The following CHRDL1 variants were observed in gnomAD, a reference collection of about 807,000 sequenced individuals.
The protein encoded by CHRDL1 is chordin like 1, also known as chordin-like protein 1.
CHRDL1 carries 19 observed loss-of-function variants against 40.9 expected under a neutral mutation model. The observed-to-expected ratio is 0.46, with a 90% CI of 0.32 to 0.68. The LOEUF (loss-of-function observed/expected upper bound fraction) is 0.68. Among genes scored for constraint, CHRDL1 ranks in the 30% least tolerant of loss-of-function variants. The pLI is 0.03. For synonymous variants in CHRDL1, 136 were observed against 123.4 expected (o/e 1.10, Z -0.68); for missense variants, 329 against 352.1 (o/e 0.93, Z 0.53).
rs776248476 is a variant in CHRDL1, at chrX:110,748,661, C to G, written c.301+11000G>C. On this transcript the variant is annotated intron_variant, in intron 4 of 11. Transcript: ENST00000372042. ...CTTCTCAAATTTCTTCTCTCTCTTCCCCATTTGAAAAAGAGACACACTACA... is the reference window on the plus strand; with the variant it reads ...CTTCTCAAATTTCTTCTCTCTCTTCGCCATTTGAAAAAGAGACACACTACA... Among the ~76,000 whole-genome samples the G allele has an allele frequency of 5.4e-5, 6 of 112,148 alleles. No individual in the cohort carries two copies. The East Asian group carries it at 1.7e-3, about 31-fold the overall frequency.
At position 110,688,812 on chromosome X, in the gene CHRDL1, G is replaced by A. The variant is rs369988118; in HGVS notation, c.779-9C>T. On this transcript the variant is annotated splice_polypyrimidine_tract_variant and intron_variant, in intron 8 of 11. Transcript: ENST00000372042. ...TCCATTGGAAACACACACTGAAAGA[G>A]AATGCAGAATTAGCAATTAAAAGCT... is the stretch of plus-strand genomic sequence containing the variant. 96 of 1,174,303 alleles carry A rather than the reference G, an allele frequency of 8.2e-5. No individual in the cohort carries two copies. In the African/African-American group the frequency reaches 1.7e-3, roughly 21 times the overall value.
intron 11 of CHRDL1, among the ~76,000 whole-genome samples, chrX:110,678,438 A>C (rs1057171829): frequency 1.0e-4 from 11 of 110,206 alleles, no homozygotes; most frequent in Admixed American, 2.9e-4. Flanking sequence ...GGCCTTTGTG[A>C]TCATTCCTCT....
intron 4 of CHRDL1, among the ~76,000 whole-genome samples, chrX:110,736,640 G>T (rs2071269060): frequency 9.0e-6 from 1 of 111,676 alleles, no homozygotes. Flanking sequence ...GGTGGGAGTG[G>T]TTTCAAACTC....
intron 4 of CHRDL1, among the ~76,000 whole-genome samples, chrX:110,730,635 T>C (rs1289286475): frequency 2.7e-5 from 3 of 110,439 alleles, no homozygotes; most frequent in Admixed American, 1.9e-4. Flanking sequence ...CAGGCTGGAG[T>C]GCAGTGGTGT....
chrX:110,732,223 G>A (rs1285449147), intron 4 of CHRDL1, among the ~76,000 whole-genome samples: 1 of 111,209 alleles, frequency 9.0e-6, no homozygotes, highest in Admixed American at 9.5e-5. Context: ...TCCACTTTGG[G>A]AGATGGAGTG....
rs2069747074 is a variant in CHRDL1, at chrX:110,675,095, G to T, written c.*1136C>A. On this transcript the variant is annotated 3_prime_UTR_variant, in exon 12 of 12. Coordinates refer to ENST00000372042, the MANE Select transcript of CHRDL1 (RefSeq NM_001143981.2). ...AGAGTCAACATGCAGATGCTCATGA[G>T]GACCGAGCCACTTTGCAAAGTAAAA... The T allele has an allele frequency of 8.9e-6, 1 of 111,800 alleles. No individual in the cohort carries two copies. 9.2% of individuals were successfully genotyped at this position (111,800 alleles called of 1,213,427 possible). A position where few individuals can be genotyped will look rare whatever the true frequency, so the allele number is the denominator to read the frequency against.
At chrX:110,739,389 C>A (rs1248126550) in intron 4 of CHRDL1, among the ~76,000 whole-genome samples, 1 of 112,051 alleles carries the variant, frequency 8.9e-6, no homozygotes, top group Non-Finnish European at 1.9e-5. Flanking sequence ...GAATGAGTTC[C>A]AGTCAATTGA....
chrX:110,770,135 C>G (rs1229036313), intron 2 of CHRDL1, among the ~76,000 whole-genome samples: 1 of 112,188 alleles, frequency 8.9e-6, no homozygotes, highest in Non-Finnish European at 1.9e-5. Flanking sequence ...GTAAGTCACT[C>G]AAACCCTGAT....
At chrX:110,695,272 G>A (rs1014793560) in intron 7 of CHRDL1, among the ~76,000 whole-genome samples, 4 of 111,769 alleles carry the variant, frequency 3.6e-5, no homozygotes, top group South Asian at 3.8e-4. Flanking sequence ...TAAGCTCTAC[G>A]AAATCAAGGA....
intron 11 of CHRDL1, among the ~76,000 whole-genome samples, chrX:110,677,570 G>T (rs942059559): frequency 1.8e-5 from 2 of 111,502 alleles, no homozygotes; most frequent in Admixed American, 9.5e-5. Flanking sequence ...TTCACAGTAT[G>T]AACTAAAACA....
intron 2 of CHRDL1, among the ~76,000 whole-genome samples, chrX:110,774,969 T>C (rs931363967): frequency 2.7e-5 from 3 of 111,891 alleles, no homozygotes; most frequent in African/African-American, 9.7e-5. Context: ...AAATTGTAGT[T>C]ATCAACCATA....
chrX:110,766,090 G>A (rs955114039), intron 2 of CHRDL1, among the ~76,000 whole-genome samples: 11 of 111,641 alleles, frequency 9.9e-5, no homozygotes, highest in Non-Finnish European at 1.1e-4. Context: ...ACCTGCTCCC[G>A]AATGAGCATT....
At chrX:110,783,535 T>C (rs762310856) in intron 2 of CHRDL1, among the ~76,000 whole-genome samples, 1 of 112,209 alleles carries the variant, frequency 8.9e-6, no homozygotes, top group South Asian at 3.7e-4. Flanking sequence ...TTATGCAGTA[T>C]AATCAATAAC....
intron 4 of CHRDL1, among the ~76,000 whole-genome samples, chrX:110,759,067 A>G (rs2089511919): frequency 8.9e-6 from 1 of 112,015 alleles, no homozygotes; most frequent in Admixed American, 9.4e-5. Context: ...CAAATACCGT[A>G]GCTGCAAATC....
At chrX:110,793,569 T>C (rs1413635409) in intron 1 of CHRDL1, among the ~76,000 whole-genome samples, 1 of 111,971 alleles carries the variant, frequency 8.9e-6, no homozygotes, top group Non-Finnish European at 1.9e-5. Flanking sequence ...CCTTGAGGGC[T>C]ACCACGTTTA....
At chrX:110,760,285 A>G (rs1257324683) in intron 3 of CHRDL1, among the ~76,000 whole-genome samples, 2 of 111,969 alleles carry the variant, frequency 1.8e-5, no homozygotes, top group African/African-American at 6.5e-5. Flanking sequence ...GACGAGCTAG[A>G]GTTTGGAATT....
chrX:110,739,290 G>T, intron 4 of CHRDL1, among the ~76,000 whole-genome samples: 1 of 111,895 alleles, frequency 8.9e-6, no homozygotes, highest in Admixed American at 9.4e-5. Flanking sequence ...ACAATGTTGT[G>T]TGCTCATTAA....
intron 2 of CHRDL1, among the ~76,000 whole-genome samples, chrX:110,783,158 G>A (rs1273036549): frequency 9.0e-6 from 1 of 111,721 alleles, no homozygotes; most frequent in African/African-American, 3.3e-5. Context: ...ATGGAGATTT[G>A]CTCTTGTTGT....
intron 7 of CHRDL1, among the ~76,000 whole-genome samples, chrX:110,698,634 T>C (rs1414455946): frequency 1.8e-5 from 2 of 112,061 alleles, no homozygotes; most frequent in Non-Finnish European, 3.8e-5. Context: ...ACCCGACCTT[T>C]TTTGCTACAG....
Sources: gnomAD v4.1 joint callset for allele counts (sites outside exome capture counted in the v4.1 genomes callset) on GRCh38, gnomAD v4.1.1 for gene constraint, MANE v1.5 for transcripts, NCBI Gene and HGNC (gene_info 2026-07-23, HGNC 2026-07-21) for gene names.